ZNF346: variants seen among roughly 807,000 people sequenced by gnomAD.
The protein encoded by ZNF346 is double-stranded RNA-binding zinc finger protein JAZ.
ZNF346 carries 23 observed loss-of-function variants against 33.7 expected under a neutral mutation model. That is an observed-to-expected ratio of 0.68 (90% CI 0.49 to 0.97). The LOEUF is 0.97. Ranked by LOEUF, ZNF346 falls within the 50% of genes least tolerant of loss-of-function variation. The probability of loss-of-function intolerance (pLI) is 0.00; values close to 1 mark genes in which losing one functional copy is unlikely to be tolerated. For synonymous variants in ZNF346, 134 were observed against 142.4 expected (o/e 0.94, Z 0.42); for missense variants, 340 against 371.1 (o/e 0.92, Z 0.69).
At chr5:177,031,998 C>CTTTTTTT (rs34021834) in intron 1 of ZNF346, among the ~76,000 whole-genome samples, 976 of 67,888 alleles carry the variant, frequency 0.014, 2 homozygotes, top group Non-Finnish European at 0.021. Context: ...TTTCTTTTTT[C>CTTTTTTT]TTTTTTTTTT....
intron 1 of ZNF346, among the ~76,000 whole-genome samples, chr5:177,024,370 G>T (rs1776445010): frequency 6.6e-6 from 1 of 151,746 alleles, no homozygotes; most frequent in Admixed American, 6.6e-5. Context: ...GCTGATTTTT[G>T]TATTTTTAGT....
rs144403449 is a variant in ZNF346 at position 177,024,157 on chromosome 5, T to TACACACACACACAC, written c.175+1253_175+1266dup. ...TATACACTTGTAAGTATTTTATGTA[T>TACACACACACACAC]ACACACACACACACACACACACTAT... On this transcript the variant is annotated intron_variant, in intron 1 of 6. Coordinates refer to ENST00000358149, the MANE Select transcript of ZNF346 (RefSeq NM_012279.4). Among the ~76,000 whole-genome samples, 993 of 121,346 alleles carry TACACACACACACAC rather than the reference T, an allele frequency of 8.2e-3. 12 individuals carry two copies. Among genetic ancestry groups the TACACACACACACAC allele is most frequent in the Middle Eastern group, 0.042 (9 of 216 alleles). The allele number at this position is 121,346 out of a possible 152,430, so 79.6% of individuals were successfully genotyped here. A position where few individuals can be genotyped will look rare whatever the true frequency, so the allele number is the denominator to read the frequency against.
rs147279193 is a variant in ZNF346 at position 177,078,610 on chromosome 5, G to A, written c.*3-772G>A. Among the ~76,000 whole-genome samples, 185 of 152,180 alleles carry A rather than the reference G, an allele frequency of 1.2e-3. 3 individuals carry two copies. Among genetic ancestry groups the A allele is most frequent in the African/African-American group, 4.0e-3 (166 of 41,532 alleles). Reference sequence around the variant, plus strand: ...CCATCTGGCAATGTAACAAGACCCCGTCTCTAATAAAAATAAGCTGGCCGG... The same window carrying A: ...CCATCTGGCAATGTAACAAGACCCCATCTCTAATAAAAATAAGCTGGCCGG... On this transcript the variant is annotated intron_variant, in intron 8 of 8. Coordinates refer to the ZNF346 transcript ENST00000503039.
chr5:177,044,776 T>C (rs1360216478), intron 4 of ZNF346, among the ~76,000 whole-genome samples: 1 of 152,230 alleles, frequency 6.6e-6, no homozygotes, highest in Non-Finnish European at 1.5e-5. Flanking sequence ...TTGTCCTGAC[T>C]AATAATTATA....
intron 3 of ZNF346, 64 bp from the exon 4 acceptor site, chr5:177,044,325 A>T: frequency 6.3e-7 from 1 of 1,597,640 alleles, no homozygotes; most frequent in African/African-American, 1.3e-5. Flanking sequence ...GGCAGTGGGG[A>T]ACCATTGAAG....
At chr5:177,041,046 G>A (rs577766921) in intron 1 of ZNF346, 80 bp from the exon 2 acceptor site, 2 of 1,083,058 alleles carry the variant, frequency 1.8e-6, no homozygotes, top group Admixed American at 1.8e-5. Context: ...TTCAGTGCCT[G>A]TGTTTGAGGC....
chr5:177,041,011 A>G, intron 1 of ZNF346, 115 bp from the exon 2 acceptor site: 1 of 771,164 alleles, frequency 1.3e-6, no homozygotes, highest in Non-Finnish European at 2.2e-6. Context: ...GAGGTCTGCC[A>G]GTGTCCTAGT....
At chr5:177,056,219 C>T (rs907191504) in intron 5 of ZNF346, among the ~76,000 whole-genome samples, 3 of 151,978 alleles carry the variant, frequency 2.0e-5, no homozygotes, top group African/African-American at 4.8e-5. Flanking sequence ...CAGAGCAAGG[C>T]TCCATCTCAA....
intron 1 of ZNF346, among the ~76,000 whole-genome samples, chr5:177,034,829 A>G (rs1014488790): frequency 6.6e-6 from 1 of 152,200 alleles, no homozygotes; most frequent in Non-Finnish European, 1.5e-5. Context: ...TCCGTTGTCC[A>G]GCTTCATAGG....
chr5:177,045,506 C>G (rs1779913106), intron 4 of ZNF346, among the ~76,000 whole-genome samples: 1 of 152,008 alleles, frequency 6.6e-6, no homozygotes, highest in African/African-American at 2.4e-5. Flanking sequence ...AGGTGCCCAC[C>G]ACCATGCCCA....
chr5:177,059,564 CCTT>C (rs1332157655), intron 5 of ZNF346, among the ~76,000 whole-genome samples: 3 of 152,016 alleles, frequency 2.0e-5, no homozygotes, highest in African/African-American at 7.3e-5. Context: ...TCAGGCAAAT[CCTT>C]CTTGCCCCCA....
chr5:177,048,168 G>T (rs1780350037), intron 4 of ZNF346, among the ~76,000 whole-genome samples: 1 of 152,088 alleles, frequency 6.6e-6, no homozygotes, highest in Non-Finnish European at 1.5e-5. Context: ...TCTGAGAACA[G>T]ACTCTATATC....
chr5:177,047,373 T>G (rs1456686267), intron 4 of ZNF346, among the ~76,000 whole-genome samples: 6 of 151,612 alleles, frequency 4.0e-5, no homozygotes, highest in African/African-American at 1.5e-4. Context: ...AGTCTCCCTC[T>G]TTTGCCCAAG....
intron 1 of ZNF346, among the ~76,000 whole-genome samples, chr5:177,025,477 C>T (rs1239973696): frequency 6.6e-6 from 1 of 152,144 alleles, no homozygotes; most frequent in Non-Finnish European, 1.5e-5. Context: ...AACTGCCAAA[C>T]TGTTTTCCAA....
In ZNF346 at chr5:177,024,033, G is replaced by A. The variant is rs1017223049; in HGVS notation, c.175+1120G>A. On this transcript the variant is annotated intron_variant, in intron 1 of 6. Coordinates refer to ENST00000358149, the MANE Select transcript of ZNF346 (RefSeq NM_012279.4). Reference sequence around the variant, plus strand: ...TATATATAAAAAAGAAGGAGACAGGGCCCCAGAAATGGTGTGTGTGTATGC... The same window carrying A: ...TATATATAAAAAAGAAGGAGACAGGACCCCAGAAATGGTGTGTGTGTATGC... 2.0e-5 allele frequency among the ~76,000 whole-genome samples: 3 copies of A among 147,788 alleles called. No homozygotes were observed. In the East Asian group the frequency reaches 5.9e-4, roughly 29 times the overall value.
intron 8 of ZNF346, chr5:177,079,333 G>A (rs1045955203): frequency 6.6e-6 from 1 of 152,054 alleles, no homozygotes; most frequent in Admixed American, 6.6e-5. Context: ...TTTGTTAGGG[G>A]AAGCAAGGGG....
At chr5:177,057,764 G>T (rs954567054) in intron 5 of ZNF346, among the ~76,000 whole-genome samples, 1 of 150,858 alleles carries the variant, frequency 6.6e-6, no homozygotes, top group Admixed American at 6.6e-5. Context: ...AAAATCAGGT[G>T]TTCTACACCT....
At chr5:177,028,973 C>T (rs1466405086) in intron 1 of ZNF346, among the ~76,000 whole-genome samples, 2 of 151,850 alleles carry the variant, frequency 1.3e-5, no homozygotes, top group African/African-American at 2.4e-5. Context: ...CCCTCCTCGG[C>T]CTCCCAAAGT....
intron 1 of ZNF346, among the ~76,000 whole-genome samples, chr5:177,037,150 A>G (rs1023078189): frequency 6.6e-6 from 1 of 151,870 alleles, no homozygotes; most frequent in Non-Finnish European, 1.5e-5. Context: ...TCTGCAGGAG[A>G]TCTCCTCACT....
Sources: allele counts gnomAD v4.1 joint callset (sites outside exome capture counted in the v4.1 genomes callset), GRCh38; gene constraint gnomAD v4.1.1; transcripts MANE v1.5; gene names NCBI Gene and HGNC (gene_info 2026-07-23, HGNC 2026-07-21).